Variants in DENND4A observed in about 807,000 individuals in gnomAD.
The protein encoded by DENND4A is C-myc promoter-binding protein.
Under a neutral mutation model 199.3 loss-of-function variants are expected in DENND4A, and 70 were observed. That is an observed-to-expected ratio of 0.35 (90% CI 0.29 to 0.43). The LOEUF is 0.43. Ranked by LOEUF, DENND4A falls within the 20% of genes least tolerant of loss-of-function variation. DENND4A has a pLI of 1.00. For missense variants in DENND4A, 1,723 were observed against 2,255.8 expected (o/e 0.76, Z 4.78); for synonymous variants, 686 against 766.9 (o/e 0.89, Z 1.74).
At chr15:65,705,453 A>G (rs1032791175) in intron 15 of DENND4A, among the ~76,000 whole-genome samples, 1 of 152,178 alleles carries the variant, frequency 6.6e-6, no homozygotes, top group Non-Finnish European at 1.5e-5. Context: ...CACCTCTATC[A>G]TAGCCCTTAT....
chr15:65,690,995 T>G lies in DENND4A; in HGVS notation c.3599A>C (p.Lys1200Thr), dbSNP rs1478023420. Residue 1200 changes from lysine (K) to threonine (T), a missense_variant, in exon 23 of 33, where the codon AAA becomes ACA. Physicochemically the swap from Lys to Thr is moderately conservative, Grantham distance 78. This residue lies in a region of DENND4A where 650 missense variants were observed against 738.1 expected (regional missense o/e 0.88). Transcript: ENST00000443035. ...IQRMNSSFSV[K>T]PFEKTDVATG... Reference sequence around the variant, plus strand: ...TGCGACATCAGTTTTTTCAAAAGGTTTTACTGAAAAGCTGCTGTTCATACG... The same window carrying G: ...TGCGACATCAGTTTTTTCAAAAGGTGTTACTGAAAAGCTGCTGTTCATACG... The G allele has an allele frequency of 6.2e-7, 1 of 1,608,226 alleles. No homozygotes were observed. The highest frequency in any genetic ancestry group is 2.2e-5 in the East Asian group (1 of 44,818).
At chr15:65,717,688 T>C in intron 13 of DENND4A, 90 bp downstream of exon 13, 1 of 1,174,734 alleles carries the variant, frequency 8.5e-7, no homozygotes. Context: ...TGTATTCTCA[T>C]AAATATGAGC....
rs538186711 is a variant in DENND4A at position 65,685,189 on chromosome 15, C to T, written c.4179+5226G>A. ...TCGCCTAGGCCAGAGTGCAGTGGCG[C>T]AATCTCAGCTCACCGCAAGCTCCGC... is the stretch of plus-strand genomic sequence containing the variant. On this transcript the variant is annotated intron_variant, in intron 23 of 32. Coordinates refer to ENST00000443035, the MANE Select transcript of DENND4A (RefSeq NM_001320835.1). 2.0e-4 allele frequency among the ~76,000 whole-genome samples: 31 copies of T among 151,684 alleles called. No homozygotes were observed. In the East Asian group the frequency reaches 4.1e-3, roughly 20 times the overall value.
At chr15:65,693,653 C>A (rs1390790628) in intron 22 of DENND4A, among the ~76,000 whole-genome samples, 1 of 151,592 alleles carries the variant, frequency 6.6e-6, no homozygotes, top group East Asian at 1.9e-4. Context: ...TTATTTTCCA[C>A]TCATATTTGA....
At chr15:65,681,619 C>G (rs2076579555) in intron 23 of DENND4A, among the ~76,000 whole-genome samples, 1 of 150,396 alleles carries the variant, frequency 6.6e-6, no homozygotes, top group Admixed American at 6.6e-5. Flanking sequence ...TTCTGTCAGC[C>G]AGGCTGGAGT....
intron 22 of DENND4A, among the ~76,000 whole-genome samples, chr15:65,694,033 G>A (rs532635186): frequency 6.6e-6 from 1 of 151,798 alleles, no homozygotes; most frequent in African/African-American, 2.4e-5. Context: ...GGGTAGCTAA[G>A]GATAAAAAGT....
intron 20 of DENND4A, among the ~76,000 whole-genome samples, chr15:65,698,641 T>C (rs7171154): frequency 1 from 151,513 of 151,514 alleles, 75,756 homozygotes; most frequent in Non-Finnish European, 1. Context: ...AGGTCCATTT[T>C]TAAAGGAATT....
chr15:65,707,528 G>A (rs2075101828), intron 14 of DENND4A, among the ~76,000 whole-genome samples: 1 of 152,052 alleles, frequency 6.6e-6, no homozygotes, highest in Admixed American at 6.6e-5. Flanking sequence ...AGCATTATAT[G>A]CTATACTCTC....
intron 1 of DENND4A, among the ~76,000 whole-genome samples, chr15:65,786,350 A>T (rs970755376): frequency 4.6e-5 from 7 of 152,234 alleles, no homozygotes; most frequent in Non-Finnish European, 8.8e-5. Context: ...TGACACAATC[A>T]TATTAACAGC....
intron 1 of DENND4A, among the ~76,000 whole-genome samples, chr15:65,767,971 A>C (rs755833520): frequency 1.8e-4 from 27 of 152,108 alleles, no homozygotes; most frequent in Non-Finnish European, 3.2e-4. Flanking sequence ...AATATGATGA[A>C]ATCAGTTCTC....
Position 65,700,564 on chromosome 15 carries a change from G to T in DENND4A, c.2813C>A (p.Thr938Asn). 1 of 1,535,466 alleles carries T rather than the reference G, an allele frequency of 6.5e-7. No individual in the cohort carries two copies. The highest frequency in any genetic ancestry group is 1.4e-5 in the African/African-American group (1 of 72,274). ...FNTGLIKVYA[T>N]DDRSSTGGQS... Reference sequence around the variant, plus strand: ...CAAACCTGTACTAGATCTATCATCAGTAGCATATACTTTGATTAAACCCGT... The same window carrying T: ...CAAACCTGTACTAGATCTATCATCATTAGCATATACTTTGATTAAACCCGT... The change falls in exon 20 of 33, where the codon ACT (threonine) becomes AAT (asparagine). Residue 938 changes from threonine (T) to asparagine (N), a missense_variant. Thr to Asn is a moderately conservative substitution (Grantham distance 65). Around this residue, in one of 6 missense-constraint regions of DENND4A, gnomAD observed 650 missense variants for 738.1 expected, o/e 0.88. Transcript: ENST00000443035.
intron 1 of DENND4A, among the ~76,000 whole-genome samples, chr15:65,768,204 T>C (rs1013598137): frequency 2.6e-5 from 4 of 152,152 alleles, no homozygotes; most frequent in African/African-American, 9.7e-5. Flanking sequence ...GGTTTTGCCA[T>C]GTTGCCCAGG....
chr15:65,769,160 A>T (rs891585365), intron 1 of DENND4A, among the ~76,000 whole-genome samples: 1 of 151,716 alleles, frequency 6.6e-6, no homozygotes, highest in Non-Finnish European at 1.5e-5. Context: ...TAGATTTTTT[A>T]AAAATAGCTA....
At chr15:65,734,894 C>G (rs889788726) in intron 7 of DENND4A, among the ~76,000 whole-genome samples, 4 of 152,058 alleles carry the variant, frequency 2.6e-5, no homozygotes, top group Non-Finnish European at 5.9e-5. Context: ...CCAGCCTAGG[C>G]AACATGGTGA....
Position 65,752,553 on chromosome 15 carries a change from T to G in DENND4A, c.387A>C (p.Ala129=). 6.2e-7 allele frequency: 1 copy of G among 1,612,712 alleles called. No homozygotes were observed. The highest frequency in any genetic ancestry group is 8.5e-7 in the Non-Finnish European group (1 of 1,179,288). The change falls in exon 4 of 33, where the codon GCA becomes GCC. Residue 129 remains alanine, a synonymous_variant. Coordinates refer to ENST00000443035, the MANE Select transcript of DENND4A (RefSeq NM_001320835.1). Reference sequence around the variant, plus strand: ...GTGATGAGGTACTCCCACTAATATTTGCGGGGCGCCCATAGGGAGTACTCT... The same window carrying G: ...GTGATGAGGTACTCCCACTAATATTGGCGGGGCGCCCATAGGGAGTACTCT... ...IIQSTPYGRP[A]NISGSTSSQR... is the part of the protein sequence containing the mutation.
At chr15:65,732,842 G>A in intron 7 of DENND4A, 24 bp from the exon 8 acceptor site, 2 of 1,455,516 alleles carry the variant, frequency 1.4e-6, no homozygotes, top group Non-Finnish European at 1.9e-6. Flanking sequence ...AAAAGTGTAA[G>A]TGATTCCAAA....
chr15:65,718,138 G>A (rs2075467508), intron 12 of DENND4A, 142 bp from the exon 13 acceptor site: 2 of 628,960 alleles, frequency 3.2e-6, no homozygotes, highest in South Asian at 4.5e-5. Flanking sequence ...GTAAACCTTA[G>A]CAAAGCTTGC....
At chr15:65,673,909 A>G (rs910836711) in intron 24 of DENND4A, among the ~76,000 whole-genome samples, 2 of 152,328 alleles carry the variant, frequency 1.3e-5, no homozygotes, top group Admixed American at 6.5e-5. Context: ...TACAGTATAG[A>G]ATATTCATTT....
intron 23 of DENND4A, among the ~76,000 whole-genome samples, chr15:65,687,654 T>G (rs1019420907): frequency 1.3e-5 from 2 of 152,200 alleles, no homozygotes; most frequent in African/African-American, 2.4e-5. Context: ...AGTTGACAGG[T>G]CTTTTCTTCC....
Sources: allele counts gnomAD v4.1 joint callset (sites outside exome capture counted in the v4.1 genomes callset), GRCh38; gene constraint gnomAD v4.1.1; regional missense constraint gnomAD v4.1.1; transcripts MANE v1.5; gene names NCBI Gene and HGNC (gene_info 2026-07-23, HGNC 2026-07-21).